The following PRDM16 variants were observed in gnomAD, a reference collection of about 807,000 sequenced individuals.
PRDM16 encodes histone-lysine N-methyltransferase PRDM16.
A neutral mutation model predicts 110.6 loss-of-function variants in PRDM16; 23 were observed. The ratio of observed to expected loss-of-function variants is 0.21; its 90% CI spans 0.15 to 0.29. The LOEUF (loss-of-function observed/expected upper bound fraction) is 0.29. PRDM16 is among the 10% of genes least tolerant of loss of function. The pLI is 1.00. For missense variants in PRDM16, 1,615 were observed against 1,794.3 expected (o/e 0.90, Z 1.81); for synonymous variants, 799 against 781.8 (o/e 1.02, Z -0.37).
At chr1:3,377,847 C>CCGGGTTGGT (rs1553170276) in intron 3 of PRDM16, among the ~76,000 whole-genome samples, 1 of 152,030 alleles carries the variant, frequency 6.6e-6, no homozygotes, top group Non-Finnish European at 1.5e-5. Flanking sequence ...AGCAGTGAGC[C>CCGGGTTGGT]CGGGTTGGTC....
chr1:3,297,315 GCT>G (rs1641110385), intron 3 of PRDM16, among the ~76,000 whole-genome samples: 2 of 133,442 alleles, frequency 1.5e-5, no homozygotes, highest in African/African-American at 3.0e-5. Context: ...ACAGAATCTC[GCT>G]CTGTCACCCA....
chr1:3,410,045 G>A (rs1207743364), intron 8 of PRDM16, among the ~76,000 whole-genome samples: 1 of 140,032 alleles, frequency 7.1e-6, no homozygotes, highest in Admixed American at 7.0e-5. Flanking sequence ...GATTGTGTGT[G>A]TACGAATGTG....
chr1:3,387,301 G>A (rs1403416187), intron 4 of PRDM16, among the ~76,000 whole-genome samples: 1 of 152,168 alleles, frequency 6.6e-6, no homozygotes. Context: ...CTCCTGACCT[G>A]CTAGATGGCT....
chr1:3,093,657 C>T (rs980725633), intron 1 of PRDM16, among the ~76,000 whole-genome samples: 2 of 151,910 alleles, frequency 1.3e-5, no homozygotes, highest in Admixed American at 1.3e-4. Context: ...ATGCTGTGGT[C>T]GTGGTGAGAA....
At chr1:3,149,345 A>G (rs1334792629) in intron 1 of PRDM16, among the ~76,000 whole-genome samples, 1 of 152,128 alleles carries the variant, frequency 6.6e-6, no homozygotes, top group Non-Finnish European at 1.5e-5. Flanking sequence ...CGAGATTCCC[A>G]AAACCAGGAG....
At chr1:3,200,809 A>T (rs931040863) in intron 2 of PRDM16, among the ~76,000 whole-genome samples, 1 of 152,082 alleles carries the variant, frequency 6.6e-6, no homozygotes, top group Non-Finnish European at 1.5e-5. Flanking sequence ...CCTGCACCTA[A>T]TCCCAGCCTC....
At position 3,354,217 on chromosome 1, in the gene PRDM16, T is replaced by C. The variant is rs530380121; in HGVS notation, c.439-30935T>C. 5.6e-4 allele frequency among the ~76,000 whole-genome samples: 85 copies of C among 152,300 alleles called. 1 individual carries two copies. Among genetic ancestry groups the C allele is most frequent in the African/African-American group, 2.0e-3 (83 of 41,578 alleles). ...GCTCAGGCCTGTAATCCTAGCACTT[T>C]GGCAGGCCGAGGTGGGTGGATCACC... On this transcript the variant is annotated intron_variant, in intron 3 of 16. Transcript: ENST00000270722.
intron 1 of PRDM16, among the ~76,000 whole-genome samples, chr1:3,184,808 C>A (rs1447884785): frequency 1.6e-4 from 24 of 152,208 alleles, no homozygotes; most frequent in Admixed American, 1.6e-3. Flanking sequence ...GCAGGTGTGA[C>A]CCTCTGCATC....
rs1246298128 is a variant in PRDM16 at position 3,245,013 on chromosome 1, A to C, written c.438+876A>C. Among the ~76,000 whole-genome samples the C allele has an allele frequency of 6.6e-6, 1 of 152,218 alleles. No individual in the cohort carries two copies. The highest frequency in any genetic ancestry group is 6.5e-5 in the Admixed American group (1 of 15,278). On this transcript the variant is annotated intron_variant, in intron 3 of 16. Transcript: ENST00000270722. This position sits in a 1 kb window ranked among gnomAD's most constrained non-coding sequence, Gnocchi z 4.7. The stretch of plus-strand genomic sequence containing the variant: ...TGGCATCTTTGCTTTAAAGCAAGAT[A>C]AAATTTAGAGAGAGTCACATTTACA...
intron 1 of PRDM16, among the ~76,000 whole-genome samples, chr1:3,141,778 A>G (rs1330617203): frequency 6.6e-6 from 1 of 152,256 alleles, no homozygotes; most frequent in African/African-American, 2.4e-5. Context: ...AAGGTGGGAC[A>G]AATTCAGAAC....
rs56758446 is a variant in PRDM16, at chr1:3,393,285, GTTC to G, written c.574-3199_574-3197del. Among the ~76,000 whole-genome samples the G allele has an allele frequency of 6.1e-3, 932 of 152,374 alleles. 9 individuals are homozygous for G. Among genetic ancestry groups the G allele is most frequent in the African/African-American group, 0.021 (882 of 41,590 alleles). On this transcript the variant is annotated intron_variant, in intron 4 of 16. Transcript: ENST00000270722. ...ATGCTGTCGCTTAAGCAAATATACT[GTTC>G]TTCTTCCTTTCCGGCGGCCAGTCGT...
Position 3,255,841 on chromosome 1 carries a change from C to T in PRDM16, c.438+11704C>T, listed in dbSNP as rs576699227. On this transcript the variant is annotated intron_variant, in intron 3 of 16. Transcript: ENST00000270722. This position sits in a 1 kb window ranked among gnomAD's most constrained non-coding sequence, Gnocchi z 4.7. ...TGTCACTTGTGCCCAAAGCCAATCC[C>T]GTGGCCGCACCGACACCCGAAGCCA... 6.6e-6 allele frequency among the ~76,000 whole-genome samples: 1 copy of T among 152,090 alleles called. No individual in the cohort carries two copies. The highest frequency in any genetic ancestry group is 1.5e-5 in the Non-Finnish European group (1 of 68,016).
intron 3 of PRDM16, among the ~76,000 whole-genome samples, chr1:3,262,663 A>G (rs573551721): frequency 6.2e-4 from 94 of 152,326 alleles, no homozygotes; most frequent in Non-Finnish European, 9.3e-4. Context: ...GAACCCACAG[A>G]GAAAAATCCC....
chr1:3,425,809 G>T lies in PRDM16; in HGVS notation c.3109+59G>T. ...ACCCACACGGGCAGGCCCCACAGAG[G>T]GGGAGGGGGAACAGCAGGGGAGTGG... On this transcript the variant is annotated intron_variant, in intron 13 of 16. Coordinates refer to ENST00000270722, the MANE Select transcript of PRDM16 (RefSeq NM_022114.4). This position sits in a 1 kb window ranked among gnomAD's most constrained non-coding sequence, Gnocchi z 6.9. 5.0e-6 allele frequency: 8 copies of T among 1,596,732 alleles called. No homozygotes were observed. Among genetic ancestry groups the T allele is most frequent in the South Asian group, 1.1e-5 (1 of 89,582 alleles).
At chr1:3,402,658 G>T in intron 5 of PRDM16, 133 bp from the exon 6 acceptor site, 1 of 696,776 alleles carries the variant, frequency 1.4e-6, no homozygotes. Flanking sequence ...CTGGAAGGAA[G>T]CAGTGCAGGA....
chr1:3,181,140 T>C (rs368904431), intron 1 of PRDM16, among the ~76,000 whole-genome samples: 2,697 of 117,682 alleles, frequency 0.023, 147 homozygotes, highest in African/African-American at 0.08. Context: ...TTACACGCGG[T>C]CTTACACACG....
rs191870106 is a variant in PRDM16 at position 3,187,200 on chromosome 1, G to T, written c.387+726G>T. ...TTGGGGTCCCTTGAGTGGTCCTAGG[G>T]GGACTAACAGCCCCACCCCCCCACA... On this transcript the variant is annotated intron_variant, in intron 2 of 16. Transcript: ENST00000270722. Among the ~76,000 whole-genome samples the T allele has an allele frequency of 1.3e-4, 20 of 152,294 alleles. No homozygotes were observed. The East Asian group carries it at 3.9e-3, about 29-fold the overall frequency.
chr1:3,085,625 G>A (rs928988266), intron 1 of PRDM16, among the ~76,000 whole-genome samples: 1 of 152,224 alleles, frequency 6.6e-6, no homozygotes, highest in Non-Finnish European at 1.5e-5. Flanking sequence ...CCATCCTCGT[G>A]GGGCTGTGGT....
chr1:3,425,280 A>G lies in PRDM16; in HGVS notation c.2940-301A>G, dbSNP rs183192346. 0.027 allele frequency: 6,139 copies of G among 229,556 alleles called. 125 individuals are homozygous for G. The highest frequency in any genetic ancestry group is 0.047 in the Admixed American group (910 of 19,526). 14.2% of individuals were successfully genotyped at this position (229,556 alleles called of 1,614,324 possible). ...TTTTTAGTAGAGACGGGGTTTCACC[A>G]TGTCAGCCAGGATGGTCTCGATCTC... On this transcript the variant is annotated intron_variant, in intron 12 of 16. Coordinates refer to ENST00000270722, the MANE Select transcript of PRDM16 (RefSeq NM_022114.4). The surrounding 1 kb of genome is among the most constrained non-coding windows in gnomAD (Gnocchi z 6.9).
Sources: gnomAD v4.1 joint callset for allele counts (sites outside exome capture counted in the v4.1 genomes callset) on GRCh38, gnomAD v4.1.1 for gene constraint, Gnocchi (gnomAD v3.1) non-coding constraint, MANE v1.5 for transcripts, NCBI Gene and HGNC (gene_info 2026-07-23, HGNC 2026-07-21) for gene names.